NFATC3: variants seen among roughly 807,000 people sequenced by gnomAD.
NFATC3 encodes the protein nuclear factor of activated T-cells, cytoplasmic 3.
Under a neutral mutation model 98.6 loss-of-function variants are expected in NFATC3, and 46 were observed. That is an observed-to-expected ratio of 0.47 (90% confidence interval 0.37 to 0.60). The LOEUF (loss-of-function observed/expected upper bound fraction) is 0.60, where lower values mean the gene tolerates loss of function less well. Among genes scored for constraint, NFATC3 ranks in the 20% least tolerant of loss-of-function variants. The pLI is 0.00. For missense variants in NFATC3, 1,256 were observed against 1,295.5 expected, an observed-to-expected ratio of 0.97 and a Z score of 0.47; for synonymous variants, 512 against 472.2, an observed-to-expected ratio of 1.08 and a Z score of -1.09.
intron 1 of NFATC3, among the ~76,000 whole-genome samples, chr16:68,095,255 C>T (rs1408614428): frequency 1.3e-5 from 2 of 151,762 alleles, no homozygotes; most frequent in Non-Finnish European, 2.9e-5. Flanking sequence ...GGAGTGCAAC[C>T]TCTGCCTCCT....
At chr16:68,118,988 C>T (rs2036435080) in intron 1 of NFATC3, among the ~76,000 whole-genome samples, 1 of 152,176 alleles carries the variant, frequency 6.6e-6, no homozygotes, top group South Asian at 2.1e-4. Context: ...CCACCTCAGC[C>T]TCCCGAGCAG....
intron 3 of NFATC3, among the ~76,000 whole-genome samples, chr16:68,156,269 C>T (rs1347917106): frequency 6.6e-6 from 1 of 152,068 alleles, no homozygotes; most frequent in Non-Finnish European, 1.5e-5. Flanking sequence ...GGGCTGAGAT[C>T]GTGTCACTGC....
chr16:68,159,887 G>A (rs2038806908), intron 4 of NFATC3, among the ~76,000 whole-genome samples: 2 of 151,770 alleles, frequency 1.3e-5, no homozygotes, highest in Admixed American at 6.6e-5. Context: ...AGACCAGCCT[G>A]GCCAACATGG....
chr16:68,094,143 G>A (rs1180056897), intron 1 of NFATC3, among the ~76,000 whole-genome samples: 1 of 152,138 alleles, frequency 6.6e-6, no homozygotes, highest in Non-Finnish European at 1.5e-5. Context: ...CTGCTTTGTG[G>A]ATCTGGAGGT....
intron 9 of NFATC3, among the ~76,000 whole-genome samples, chr16:68,194,404 A>C (rs1374262060): frequency 6.6e-6 from 1 of 152,214 alleles, no homozygotes; most frequent in Non-Finnish European, 1.5e-5. Flanking sequence ...GTATTTAAGC[A>C]TTTTGCTGCT....
At chr16:68,098,288 ATTATTATTATTATTT>A (rs2035128698) in intron 1 of NFATC3, among the ~76,000 whole-genome samples, 1 of 109,594 alleles carries the variant, frequency 9.1e-6, no homozygotes, top group Admixed American at 9.0e-5. Context: ...TATTATTATT[ATTATTATTATTATTT>A]TTTTTTTTTT....
At chr16:68,169,873 G>A (rs907882132) in intron 5 of NFATC3, among the ~76,000 whole-genome samples, 2 of 151,396 alleles carry the variant, frequency 1.3e-5, no homozygotes, top group African/African-American at 2.4e-5. Flanking sequence ...CCCAGGAGGC[G>A]GAGGTTGCAG....
chr16:68,187,086 G>A (rs189191094), intron 8 of NFATC3, among the ~76,000 whole-genome samples: 1 of 152,228 alleles, frequency 6.6e-6, no homozygotes, highest in Admixed American at 6.5e-5. Context: ...GTGAGTGAGC[G>A]TGGGGTCCAG....
intron 1 of NFATC3, among the ~76,000 whole-genome samples, chr16:68,115,729 GT>G (rs554773002): frequency 6.0e-5 from 9 of 150,590 alleles, no homozygotes; most frequent in Admixed American, 2.0e-4. Flanking sequence ...CTGGCCGATT[GT>G]TTTTTTTTGT....
chr16:68,123,727 T>C (rs2036671703), intron 2 of NFATC3, among the ~76,000 whole-genome samples: 1 of 152,036 alleles, frequency 6.6e-6, no homozygotes, highest in African/African-American at 2.4e-5. Context: ...GGGCCAGGCG[T>C]GGTGTCTCAT....
intron 3 of NFATC3, 127 bp downstream of exon 3, chr16:68,126,737 G>T: frequency 2.3e-6 from 2 of 860,622 alleles, no homozygotes; most frequent in East Asian, 5.1e-5. Context: ...CTGTTGTTTT[G>T]GGGGCTTGTT....
At chr16:68,225,506 A>ATT (rs1230344595) in intron 9 of NFATC3, 1 of 152,236 alleles carries the variant, frequency 6.6e-6, no homozygotes, top group East Asian at 1.9e-4. Context: ...AAGGCTGTAT[A>ATT]TTCCATTTTA....
intron 3 of NFATC3, among the ~76,000 whole-genome samples, chr16:68,133,219 T>A (rs1567514022): frequency 6.6e-6 from 1 of 152,158 alleles, no homozygotes; most frequent in Non-Finnish European, 1.5e-5. Context: ...GAGCTGAGAT[T>A]GCGCCACTGC....
intron 3 of NFATC3, among the ~76,000 whole-genome samples, chr16:68,141,683 T>G (rs1185563459): frequency 6.6e-6 from 1 of 152,230 alleles, no homozygotes; most frequent in African/African-American, 2.4e-5. Context: ...CTTGCTGATT[T>G]GAGTTCCTTG....
intron 1 of NFATC3, among the ~76,000 whole-genome samples, chr16:68,111,813 A>G (rs2035959444): frequency 6.6e-6 from 1 of 152,142 alleles, no homozygotes; most frequent in African/African-American, 2.4e-5. Context: ...TGTAAAGCAG[A>G]CCTGGTGGTG....
intron 1 of NFATC3, among the ~76,000 whole-genome samples, chr16:68,119,874 T>C (rs976197755): frequency 6.6e-6 from 1 of 152,310 alleles, no homozygotes; most frequent in South Asian, 2.1e-4. Flanking sequence ...CTAAAAAATT[T>C]TTTTGTTAAA....
At position 68,191,676 on chromosome 16, in the gene NFATC3, T is replaced by C. The variant is rs531553725; in HGVS notation, c.3007T>C (p.Phe1003Leu). ...ICHSLCDPASFPPDGATVSIK... is the reference protein window; with the variant it reads ...ICHSLCDPASLPPDGATVSIK... Reference sequence around the variant, plus strand: ...TCACAGTTTGTGTGATCCAGCGTCATTTCCACCTGATGGGGCAACTGTGAG... The same window carrying C: ...TCACAGTTTGTGTGATCCAGCGTCACTTCCACCTGATGGGGCAACTGTGAG... Residue 1003 changes from phenylalanine to leucine, a missense_variant, in exon 9 of 10, where the codon TTT (phenylalanine) becomes CTT (leucine). Physicochemically the swap from Phe to Leu is conservative, Grantham distance 22 (BLOSUM62 0). This residue lies in a region of NFATC3 where 636 missense variants were observed against 617.3 expected (regional missense o/e 1.03). Transcript: ENST00000346183. 2 of 1,614,166 alleles carry C rather than the reference T, an allele frequency of 1.2e-6. No homozygotes were observed. The highest frequency in any genetic ancestry group is 2.2e-5 in the South Asian group (2 of 91,082).
intron 5 of NFATC3, among the ~76,000 whole-genome samples, chr16:68,171,473 C>CA: frequency 7.1e-6 from 1 of 141,128 alleles, no homozygotes; most frequent in South Asian, 2.3e-4. Flanking sequence ...CCATACCTAT[C>CA]TTTTTTTTTT....
At chr16:68,202,734 C>G (rs1232610961) in intron 9 of NFATC3, among the ~76,000 whole-genome samples, 1 of 152,038 alleles carries the variant, frequency 6.6e-6, no homozygotes, top group African/African-American at 2.4e-5. Flanking sequence ...ATCGCTTGAA[C>G]CTAGGAGGCG....
Sources: gnomAD v4.1 joint callset for allele counts (sites outside exome capture counted in the v4.1 genomes callset) on GRCh38, gnomAD v4.1.1 for gene constraint, gnomAD v4.1.1 regional missense constraint, MANE v1.5 for transcripts, NCBI Gene and HGNC (gene_info 2026-07-23, HGNC 2026-07-21) for gene names.